Variants in PRKACB observed in about 807,000 individuals in gnomAD.
PRKACB encodes protein kinase cAMP-activated catalytic subunit beta, also known as cAMP-dependent protein kinase catalytic subunit beta.
PRKACB carries 16 observed loss-of-function variants against 51.4 expected under a neutral mutation model. The observed-to-expected ratio is 0.31, with a 90% CI of 0.21 to 0.47. PRKACB has a LOEUF of 0.47. Ranked by LOEUF, PRKACB falls within the 20% of genes least tolerant of loss-of-function variation. PRKACB has a pLI of 1.00. For missense variants in PRKACB, 309 were observed against 464.5 expected (o/e 0.67, Z 3.08); for synonymous variants, 147 against 154.4 (o/e 0.95, Z 0.35).
intron 1 of PRKACB, among the ~76,000 whole-genome samples, chr1:84,146,142 T>A (rs1200296655): frequency 6.2e-5 from 5 of 80,048 alleles, no homozygotes; most frequent in Admixed American, 1.2e-4. Context: ...AAAATGCTGT[T>A]TTGTTTTTTT....
intron 1 of PRKACB, among the ~76,000 whole-genome samples, chr1:84,120,373 C>G (rs1449903820): frequency 6.6e-6 from 1 of 152,040 alleles, no homozygotes; most frequent in Non-Finnish European, 1.5e-5. Context: ...TGACATCAGT[C>G]AGGCAATTCT....
chr1:84,133,704 G>A (rs906827719), intron 1 of PRKACB, among the ~76,000 whole-genome samples: 3 of 152,204 alleles, frequency 2.0e-5, no homozygotes, highest in African/African-American at 7.2e-5. Flanking sequence ...GCCAGTGCAG[G>A]AGCCAAGACG....
intron 9 of PRKACB, among the ~76,000 whole-genome samples, chr1:84,231,481 G>A (rs1366491851): frequency 5.9e-5 from 9 of 152,310 alleles, no homozygotes; most frequent in African/African-American, 2.2e-4. Context: ...GATTGGAATA[G>A]TTTCAGAAGG....
At chr1:84,183,363 CT>C (rs1362086469) in intron 3 of PRKACB, among the ~76,000 whole-genome samples, 2 of 151,818 alleles carry the variant, frequency 1.3e-5, no homozygotes, top group African/African-American at 4.8e-5. Flanking sequence ...TCTAAATGAC[CT>C]AGGATACAAA....
At chr1:84,181,681 A>G (rs762113731) in intron 2 of PRKACB, 34 of 1,521,000 alleles carry the variant, frequency 2.2e-5, no homozygotes, top group Middle Eastern at 1.7e-4. Context: ...ATCTAGTTCT[A>G]TAAGCTTATA....
At chr1:84,220,204 AT>A (rs1012890677) in intron 9 of PRKACB, among the ~76,000 whole-genome samples, 6 of 151,656 alleles carry the variant, frequency 4.0e-5, no homozygotes, top group South Asian at 2.1e-4. Flanking sequence ...TATTTTATTT[AT>A]TTTTTTGTAG....
At chr1:84,112,019 A>C (rs985080306) in intron 1 of PRKACB, among the ~76,000 whole-genome samples, 1 of 152,150 alleles carries the variant, frequency 6.6e-6, no homozygotes, top group Non-Finnish European at 1.5e-5. Flanking sequence ...CTTCACCTTC[A>C]GGCCAGAGTT....
chr1:84,089,396 T>C (rs1421994774), intron 1 of PRKACB, among the ~76,000 whole-genome samples: 3 of 152,126 alleles, frequency 2.0e-5, no homozygotes, highest in Non-Finnish European at 4.4e-5. Context: ...TATGGGGAGA[T>C]TGGTCTCAGG....
At chr1:84,131,045 T>A (rs1652133198) in intron 1 of PRKACB, among the ~76,000 whole-genome samples, 1 of 152,170 alleles carries the variant, frequency 6.6e-6, no homozygotes, top group South Asian at 2.1e-4. Context: ...GGTTTATAAG[T>A]TACCCATGAA....
intron 1 of PRKACB, among the ~76,000 whole-genome samples, chr1:84,112,152 T>C (rs910151528): frequency 6.6e-6 from 1 of 152,052 alleles, no homozygotes; most frequent in East Asian, 1.9e-4. Flanking sequence ...TGTATATCCA[T>C]TGGTGACATT....
chr1:84,078,616 C>G (rs1215147166), intron 1 of PRKACB, among the ~76,000 whole-genome samples: 1 of 152,056 alleles, frequency 6.6e-6, no homozygotes, highest in Admixed American at 6.5e-5. Context: ...CCTGGGATTC[C>G]CTTTCTCACT....
chr1:84,123,295 CTG>C (rs771252866), intron 1 of PRKACB, among the ~76,000 whole-genome samples: 63 of 152,114 alleles, frequency 4.1e-4, no homozygotes, highest in Non-Finnish European at 7.9e-4. Flanking sequence ...ATAATTAAAA[CTG>C]TATCAACATG....
Position 84,181,771 on chromosome 1 carries a change from C to T in PRKACB, c.250-429C>T, listed in dbSNP as rs1663571195. 5.1e-6 allele frequency: 7 copies of T among 1,374,836 alleles called. 2 individuals carry two copies. The South Asian group carries it at 9.8e-5, about 19-fold the overall frequency. 85.2% of individuals were successfully genotyped at this position (1,374,836 alleles called of 1,614,324 possible). On this transcript the variant is annotated intron_variant, in intron 2 of 9. Transcript: ENST00000370685. Reference sequence around the variant, plus strand: ...GCTCTGATCCCTCAGTTTATCTATTCATTACAGTTATTTGCAAGTGCATTA... The same window carrying T: ...GCTCTGATCCCTCAGTTTATCTATTTATTACAGTTATTTGCAAGTGCATTA...
intron 1 of PRKACB, among the ~76,000 whole-genome samples, chr1:84,156,954 C>T (rs1232616706): frequency 1.3e-5 from 2 of 152,066 alleles, no homozygotes; most frequent in African/African-American, 4.8e-5. Context: ...TTGGATTTAG[C>T]CTACAATGTC....
intron 1 of PRKACB, among the ~76,000 whole-genome samples, chr1:84,115,886 CAAAAAAAAAAAAAAAAAAA>C (rs60541006): frequency 3.1e-5 from 2 of 63,830 alleles, no homozygotes; most frequent in African/African-American, 1.4e-4. Context: ...ACTCTTGTCT[CAAAAAAAAAAAAAAAAAAA>C]AAAAAAAAAA....
At chr1:84,189,720 AAGAAATGTGGC>A (rs1666195641) in intron 5 of PRKACB, among the ~76,000 whole-genome samples, 1 of 152,008 alleles carries the variant, frequency 6.6e-6, no homozygotes. Context: ...AGATCTCAGG[AAGAAATGTGGC>A]AGAAATAGAA....
intron 9 of PRKACB, among the ~76,000 whole-genome samples, chr1:84,224,615 G>A (rs1348726878): frequency 6.6e-6 from 1 of 152,162 alleles, no homozygotes; most frequent in East Asian, 1.9e-4. Context: ...GAGCATTGGG[G>A]TTGCAGTGCC....
At chr1:84,082,070 A>G (rs1452772015) in intron 1 of PRKACB, among the ~76,000 whole-genome samples, 1 of 152,200 alleles carries the variant, frequency 6.6e-6, no homozygotes, top group Non-Finnish European at 1.5e-5. Context: ...ATAAACTTTT[A>G]CTTACTCTTT....
At chr1:84,185,259 C>A in intron 5 of PRKACB, 77 bp downstream of exon 5, 1 of 1,053,434 alleles carries the variant, frequency 9.5e-7, no homozygotes, top group Non-Finnish European at 1.4e-6. Flanking sequence ...GATGCCAATG[C>A]CAAAAACTTA....
Sources: allele counts gnomAD v4.1 joint callset (sites outside exome capture counted in the v4.1 genomes callset), GRCh38; gene constraint gnomAD v4.1.1; transcripts MANE v1.5; gene names NCBI Gene and HGNC (gene_info 2026-07-23, HGNC 2026-07-21).